ITPR2: variants seen among roughly 807,000 people sequenced by gnomAD.
The protein encoded by ITPR2 is inositol 1,4,5-trisphosphate receptor type 2.
ITPR2 carries 207 observed loss-of-function variants against 317.1 expected under a neutral mutation model. The ratio of observed to expected loss-of-function variants is 0.65; its 90% CI spans 0.58 to 0.73. The LOEUF is 0.73. Ranked by LOEUF, ITPR2 falls within the 30% of genes least tolerant of loss-of-function variation. The probability of loss-of-function intolerance (pLI) is 0.00; values close to 1 mark genes in which losing one functional copy is unlikely to be tolerated. For synonymous variants in ITPR2, 1,156 were observed against 1,149.1 expected, an observed-to-expected ratio of 1.01 and a Z score of -0.12; for missense variants, 2,613 against 3,284.0, an observed-to-expected ratio of 0.80 and a Z score of 4.99.
In ITPR2 at chr12:26,654,028, T is replaced by C; in HGVS notation, c.2688A>G (p.Val896=). ...CAAAGTATGATGACATGGGGGCCTG[T>C]ACAATGTCTAAAATAGCCAGAAGTG... ...TRTLLAILDI[V]QAPMSSYFER... The change falls in exon 21 of 57, where the codon GTA becomes GTG. Residue 896 remains valine (V), a synonymous_variant. Coordinates refer to ENST00000381340, the MANE Select transcript of ITPR2 (RefSeq NM_002223.4). 1.2e-6 allele frequency: 2 copies of C among 1,601,878 alleles called. No individual in the cohort carries two copies. The highest frequency in any genetic ancestry group is 1.7e-6 in the Non-Finnish European group (2 of 1,173,254).
At chr12:26,427,853 T>C (rs1033081474) in intron 49 of ITPR2, 60 bp downstream of exon 49, 2 of 1,116,746 alleles carry the variant, frequency 1.8e-6, no homozygotes, top group African/African-American at 3.3e-5. Flanking sequence ...GTTATATTTT[T>C]ATATTTCATA....
chr12:26,546,785 A>T (rs1374249702), intron 37 of ITPR2, among the ~76,000 whole-genome samples: 1 of 151,900 alleles, frequency 6.6e-6, no homozygotes, highest in Non-Finnish European at 1.5e-5. Flanking sequence ...AACAAAGCAG[A>T]TAAGAACTTA....
intron 45 of ITPR2, among the ~76,000 whole-genome samples, chr12:26,462,670 T>C (rs1480833536): frequency 4.0e-5 from 3 of 74,602 alleles, no homozygotes; most frequent in Non-Finnish European, 4.6e-5. Context: ...TTAAGCTTTC[T>C]TTCTTTTTTT....
chr12:26,421,934 C>G (rs532900797), intron 49 of ITPR2, among the ~76,000 whole-genome samples: 13 of 151,660 alleles, frequency 8.6e-5, no homozygotes, highest in South Asian at 2.1e-4. Flanking sequence ...AGCTTTGGGA[C>G]AGTCTTTAAA....
chr12:26,826,779 T>C (rs912642541), intron 1 of ITPR2, among the ~76,000 whole-genome samples: 1 of 152,150 alleles, frequency 6.6e-6, no homozygotes, highest in Non-Finnish European at 1.5e-5. Context: ...TACACACTTT[T>C]CATTTACGAA....
chr12:26,485,909 T>G (rs1329127452), intron 41 of ITPR2, among the ~76,000 whole-genome samples, 195 bp downstream of exon 41: 1 of 152,234 alleles, frequency 6.6e-6, no homozygotes, highest in African/African-American at 2.4e-5. Flanking sequence ...TGATTTTTTT[T>G]TCTTGCATAA....
Position 26,657,715 on chromosome 12 carries a change from G to A in ITPR2, c.2184C>T (p.Thr728=). Residue 728 remains threonine (T), a synonymous_variant, in exon 18 of 57, where the codon ACC becomes ACT. Transcript: ENST00000381340. Reference sequence around the variant, plus strand: ...TGTCTATAATACTTAACCTGTAATAGGTAAGAACTTCTAAGTCAGCTTTGG... The same window carrying A: ...TGTCTATAATACTTAACCTGTAATAAGTAAGAACTTCTAAGTCAGCTTTGG... ...EGTKADLEVL[T]YYRYQLNLFA... is the part of the protein sequence containing the mutation. The A allele has an allele frequency of 6.2e-7, 1 of 1,613,672 alleles. No homozygotes were observed. Among genetic ancestry groups the A allele is most frequent in the South Asian group, 1.1e-5 (1 of 91,046 alleles).
intron 2 of ITPR2, among the ~76,000 whole-genome samples, chr12:26,787,547 CA>C (rs1341188527): frequency 6.6e-6 from 1 of 152,174 alleles, no homozygotes; most frequent in Non-Finnish European, 1.5e-5. Flanking sequence ...AAATTTAAAA[CA>C]ATTTACTTCA....
Position 26,755,212 on chromosome 12 carries a change from G to T in ITPR2, c.164-29447C>A, listed in dbSNP as rs537372965. On this transcript the variant is annotated intron_variant, in intron 2 of 56. Coordinates refer to ENST00000381340, the MANE Select transcript of ITPR2 (RefSeq NM_002223.4). ...TCAATCGTGTTTTTTGACTGTGGTT[G>T]TCCCAAGATATTTTGTCATCCACAA... Among the ~76,000 whole-genome samples, 46 of 152,234 alleles carry T rather than the reference G, an allele frequency of 3.0e-4. No homozygotes were observed. The South Asian group carries it at 4.8e-3, about 16-fold the overall frequency.
intron 31 of ITPR2, among the ~76,000 whole-genome samples, chr12:26,596,152 C>A (rs1188273587): frequency 6.6e-6 from 1 of 152,206 alleles, no homozygotes; most frequent in Non-Finnish European, 1.5e-5. Context: ...GGTAAACCTG[C>A]AGAGTCTTTT....
At chr12:26,443,214 CT>C (rs1162610526) in intron 46 of ITPR2, among the ~76,000 whole-genome samples, 8 of 151,976 alleles carry the variant, frequency 5.3e-5, no homozygotes, top group African/African-American at 1.9e-4. Context: ...AAAAAGAAAC[CT>C]TTTCCTGAAT....
intron 53 of ITPR2, 56 bp downstream of exon 53, chr12:26,400,072 A>G: frequency 6.5e-7 from 1 of 1,540,270 alleles, no homozygotes; most frequent in East Asian, 2.3e-5. Flanking sequence ...AATGCTGTGA[A>G]GAAAGGTTTA....
intron 34 of ITPR2, among the ~76,000 whole-genome samples, chr12:26,576,823 G>C (rs774976457): frequency 6.6e-6 from 1 of 152,168 alleles, no homozygotes; most frequent in Non-Finnish European, 1.5e-5. Flanking sequence ...TGTGTCCCTC[G>C]AAGTTCGTGT....
At chr12:26,349,127 AAC>A (rs1186644026) in intron 55 of ITPR2, among the ~76,000 whole-genome samples, 1 of 152,208 alleles carries the variant, frequency 6.6e-6, no homozygotes, top group African/African-American at 2.4e-5. Flanking sequence ...CAGTCTGGGC[AAC>A]ACACAGAGTC....
At chr12:26,357,895 G>A (rs1416890044) in intron 55 of ITPR2, among the ~76,000 whole-genome samples, 1 of 152,260 alleles carries the variant, frequency 6.6e-6, no homozygotes, top group Non-Finnish European at 1.5e-5. Context: ...GGAAGCTGCA[G>A]GGCGGCTAGC....
chr12:26,616,069 G>T (rs1946365822), intron 26 of ITPR2, among the ~76,000 whole-genome samples: 1 of 151,926 alleles, frequency 6.6e-6, no homozygotes, highest in South Asian at 2.1e-4. Flanking sequence ...AGTTAATTAA[G>T]AATTCAATTA....
chr12:26,577,593 A>T lies in ITPR2; in HGVS notation c.4630+1120T>A, dbSNP rs144340911. Among the ~76,000 whole-genome samples, 916 of 152,318 alleles carry T rather than the reference A, an allele frequency of 6.0e-3. 9 individuals carry two copies. Among genetic ancestry groups the T allele is most frequent in the African/African-American group, 0.021 (888 of 41,558 alleles). ...GGTATACAGAAAGTCTGTTAAGTAT[A>T]ATACTCATTTATAATTAATTACTTA... On this transcript the variant is annotated intron_variant, in intron 34 of 56. Coordinates refer to ENST00000381340, the MANE Select transcript of ITPR2 (RefSeq NM_002223.4).
chr12:26,512,097 T>C lies in ITPR2; in HGVS notation c.5074-16837A>G, dbSNP rs1290278277. On this transcript the variant is annotated intron_variant, in intron 37 of 56. Transcript: ENST00000381340. ...GAAAATAAATCCCAGGACCCCAAAA[T>C]GACTAAGCCAACGGGAAAATCAAGC... is the stretch of plus-strand genomic sequence containing the variant. 2.0e-5 allele frequency among the ~76,000 whole-genome samples: 3 copies of C among 150,474 alleles called. No individual in the cohort carries two copies. In the East Asian group the frequency reaches 5.9e-4, roughly 29 times the overall value.
chr12:26,433,149 C>T (rs1279555327), intron 48 of ITPR2, among the ~76,000 whole-genome samples: 1 of 152,204 alleles, frequency 6.6e-6, no homozygotes, highest in African/African-American at 2.4e-5. Context: ...TTAAATAACT[C>T]ATCCAGAACT....
Sources: allele counts gnomAD v4.1 joint callset (sites outside exome capture counted in the v4.1 genomes callset), GRCh38; gene constraint gnomAD v4.1.1; transcripts MANE v1.5; gene names NCBI Gene and HGNC (gene_info 2026-07-23, HGNC 2026-07-21).